RIMBP2: variants seen among roughly 807,000 people sequenced by gnomAD.
The protein encoded by RIMBP2 is RIMS-binding protein 2.
RIMBP2 carries 48 observed loss-of-function variants against 118.6 expected under a neutral mutation model. That is an observed-to-expected ratio of 0.40 (90% CI 0.32 to 0.51). The LOEUF (loss-of-function observed/expected upper bound fraction) is 0.51. Ranked by LOEUF, RIMBP2 falls within the 20% of genes least tolerant of loss-of-function variation. RIMBP2 has a pLI of 0.41. For synonymous variants in RIMBP2, 762 were observed against 742.9 expected (o/e 1.03, Z -0.42); for missense variants, 1,551 against 1,768.3 (o/e 0.88, Z 2.20).
intron 12 of RIMBP2, among the ~76,000 whole-genome samples, chr12:130,437,627 T>C (rs1377414612): frequency 1.3e-5 from 2 of 152,102 alleles, no homozygotes; most frequent in Non-Finnish European, 1.5e-5. Context: ...CCACCACAGC[T>C]GGAGGGAAGA....
chr12:130,705,927 C>T (rs115847389), intron 1 of RIMBP2, among the ~76,000 whole-genome samples: 12 of 152,366 alleles, frequency 7.9e-5, no homozygotes, highest in African/African-American at 2.4e-4. Context: ...CGGCTCACTT[C>T]GCACACACTT....
chr12:130,579,077 T>C (rs973972782), intron 2 of RIMBP2, among the ~76,000 whole-genome samples: 1 of 152,122 alleles, frequency 6.6e-6, no homozygotes, highest in African/African-American at 2.4e-5. Context: ...GGGTGGGGCA[T>C]CGTAGCCTGT....
At position 130,499,935 on chromosome 12, in the gene RIMBP2, A is replaced by C. The variant is rs528539248; in HGVS notation, c.-4+6713T>G. On this transcript the variant is annotated intron_variant, in intron 4 of 22. Transcript: ENST00000690449. ...TATATCTTTAGGTGTGGGTTCAATT[A>C]GATTTCTTTATTTTTAACTTTTATT... Among the ~76,000 whole-genome samples, 12 of 152,308 alleles carry C rather than the reference A, an allele frequency of 7.9e-5. No individual in the cohort carries two copies. In the South Asian group the frequency reaches 2.3e-3, roughly 29 times the overall value.
At chr12:130,532,233 G>GTA in intron 2 of RIMBP2, among the ~76,000 whole-genome samples, 5 of 140,668 alleles carry the variant, frequency 3.6e-5, no homozygotes, top group Non-Finnish European at 4.7e-5. Flanking sequence ...AATGAGATGC[G>GTA]TGTGTTTAGC....
intron 2 of RIMBP2, among the ~76,000 whole-genome samples, chr12:130,531,009 A>AT (rs2053314714): frequency 6.6e-6 from 1 of 152,184 alleles, no homozygotes; most frequent in South Asian, 2.1e-4. Flanking sequence ...ACTTTGATTG[A>AT]TGACCGATTG....
In RIMBP2 at chr12:130,671,569, T is replaced by C. The variant is rs117335091; in HGVS notation, c.-351-43113A>G. On this transcript the variant is annotated intron_variant, in intron 1 of 22. Transcript: ENST00000690449. Reference sequence around the variant, plus strand: ...AACACGAACCTCCCCACCCCAAAGATTTGTTCAAGCCAGGGTTGCTCAGTC... The same window carrying C: ...AACACGAACCTCCCCACCCCAAAGACTTGTTCAAGCCAGGGTTGCTCAGTC... Among the ~76,000 whole-genome samples the C allele has an allele frequency of 2.0e-5, 3 of 152,256 alleles. No individual in the cohort carries two copies. In the East Asian group the frequency reaches 5.8e-4, roughly 29 times the overall value.
chr12:130,646,445 A>ACCG lies in RIMBP2; in HGVS notation c.-351-17990_-351-17989insCGG. ...CACTTCCCTCTCCACCTCCCTTGCC[A>ACCG]CCTCCCTCGCCACCTCCCTCGCTAC... On this transcript the variant is annotated intron_variant, in intron 1 of 22. Coordinates refer to ENST00000690449, the MANE Select transcript of RIMBP2 (RefSeq NM_001393629.1). 7.1e-5 allele frequency among the ~76,000 whole-genome samples: 4 copies of ACCG among 56,080 alleles called. 1 individual carries two copies. Among genetic ancestry groups the ACCG allele is most frequent in the Admixed American group, 1.8e-4 (1 of 5,520 alleles). The allele number at this position is 56,080 out of a possible 152,430, so 36.8% of individuals were successfully genotyped here. A position where few individuals can be genotyped will look rare whatever the true frequency, so the allele number is the denominator to read the frequency against.
intron 1 of RIMBP2, among the ~76,000 whole-genome samples, chr12:130,636,018 G>A (rs527962375): frequency 6.6e-6 from 1 of 152,178 alleles, no homozygotes; most frequent in Non-Finnish European, 1.5e-5. Flanking sequence ...CATGCCACTC[G>A]TGACCTGGTT....
In RIMBP2 at chr12:130,546,068, T is replaced by C. The variant is rs965516105; in HGVS notation, c.-216-28151A>G. 4.0e-5 allele frequency among the ~76,000 whole-genome samples: 6 copies of C among 150,580 alleles called. No homozygotes were observed. The East Asian group carries it at 9.8e-4, about 25-fold the overall frequency. The stretch of plus-strand genomic sequence containing the variant: ...GAGAGTCCTGTCCCCCTTTGGGATC[T>C]CATTGAGCAATTACAAATATCACTG... On this transcript the variant is annotated intron_variant, in intron 2 of 22. Coordinates refer to ENST00000690449, the MANE Select transcript of RIMBP2 (RefSeq NM_001393629.1).
At chr12:130,560,184 T>C (rs1034226960) in intron 2 of RIMBP2, among the ~76,000 whole-genome samples, 2 of 152,204 alleles carry the variant, frequency 1.3e-5, no homozygotes, top group Admixed American at 1.3e-4. Flanking sequence ...AGAATTTCTA[T>C]TTCCCCCACC....
intron 20 of RIMBP2, 24 bp downstream of exon 20, chr12:130,407,702 T>C (rs1461440712): frequency 1.9e-6 from 3 of 1,580,128 alleles, no homozygotes; most frequent in East Asian, 2.2e-5. Context: ...GTGTCCGTCA[T>C]GAAGTGCAGT....
chr12:130,517,262 G>A (rs750388692), intron 3 of RIMBP2, among the ~76,000 whole-genome samples: 19 of 152,222 alleles, frequency 1.2e-4, no homozygotes, highest in African/African-American at 3.4e-4. Flanking sequence ...TCCCCTTGCC[G>A]CGGGGCACCC....
chr12:130,425,059 G>A, intron 15 of RIMBP2: 1 of 397,224 alleles, frequency 2.5e-6, no homozygotes, highest in Non-Finnish European at 4.4e-6. Flanking sequence ...CTGGGGCGGG[G>A]TGGAGGCTGA....
intron 1 of RIMBP2, among the ~76,000 whole-genome samples, chr12:130,639,125 C>G (rs11837779): frequency 6.6e-6 from 1 of 152,052 alleles, no homozygotes; most frequent in Non-Finnish European, 1.5e-5. Context: ...CGGTGGCTCA[C>G]GCCTGTAATC....
chr12:130,599,587 C>T (rs1171635866), intron 2 of RIMBP2, among the ~76,000 whole-genome samples: 1 of 152,118 alleles, frequency 6.6e-6, no homozygotes, highest in Non-Finnish European at 1.5e-5. Flanking sequence ...ATTAAACTAA[C>T]CAGAATTAAA....
At chr12:130,496,432 A>C (rs10848118) in intron 4 of RIMBP2, among the ~76,000 whole-genome samples, 58,699 of 151,884 alleles carry the variant, frequency 0.39, 11,704 homozygotes, top group East Asian at 0.44. Context: ...CTTTATTAGC[A>C]GCATGAAAAA....
At chr12:130,432,054 C>T (rs1031625798) in intron 14 of RIMBP2, 5 of 328,354 alleles carry the variant, frequency 1.5e-5, no homozygotes, top group Non-Finnish European at 2.4e-5. Context: ...CATAAGACAG[C>T]GCTGAATGCC....
intron 4 of RIMBP2, among the ~76,000 whole-genome samples, chr12:130,498,432 A>G (rs1414213852): frequency 6.6e-6 from 1 of 152,200 alleles, no homozygotes; most frequent in Admixed American, 6.5e-5. Flanking sequence ...AGGATGTTAC[A>G]TTTTGGTAGG....
At chr12:130,451,089 G>T in intron 8 of RIMBP2, 106 bp downstream of exon 8, 1 of 1,283,850 alleles carries the variant, frequency 7.8e-7, no homozygotes, top group Non-Finnish European at 1.1e-6. Flanking sequence ...CCAGAAGGAA[G>T]ACAGGGAGGA....
Sources: allele counts gnomAD v4.1 joint callset (sites outside exome capture counted in the v4.1 genomes callset), GRCh38; gene constraint gnomAD v4.1.1; transcripts MANE v1.5; gene names NCBI Gene and HGNC (gene_info 2026-07-23, HGNC 2026-07-21).